RHBDD1: variants seen among roughly 807,000 people sequenced by gnomAD.
RHBDD1 encodes rhomboid domain containing 1, also known as rhomboid-related protein 4.
In RHBDD1, 38 loss-of-function variants were observed where a neutral mutation model predicts 36.3. The observed-to-expected ratio is 1.05, with a 90% CI of 0.81 to 1.37. The LOEUF is 1.37. RHBDD1 is among the 40% of genes most tolerant of loss of function. The pLI is 0.00. For synonymous variants in RHBDD1, 151 were observed against 136.5 expected (o/e 1.11, Z -0.74); for missense variants, 393 against 377.6 (o/e 1.04, Z -0.34).
chr2:226,969,633 T>G (rs6718057), intron 8 of RHBDD1, among the ~76,000 whole-genome samples: 65,501 of 151,896 alleles, frequency 0.43, 14,213 homozygotes, highest in South Asian at 0.52. Context: ...ACTTCTTTCC[T>G]TTTCAGAACT....
intron 5 of RHBDD1, among the ~76,000 whole-genome samples, chr2:226,880,388 A>T (rs1945618323): frequency 6.6e-6 from 1 of 152,218 alleles, no homozygotes; most frequent in Admixed American, 6.5e-5. Context: ...CATAAGAAAG[A>T]GTTAATTTGT....
intron 3 of RHBDD1, among the ~76,000 whole-genome samples, chr2:226,842,859 C>T (rs903725983): frequency 1.3e-5 from 2 of 152,170 alleles, no homozygotes; most frequent in Non-Finnish European, 2.9e-5. Context: ...CTATAAATTA[C>T]TTTGGGCAGT....
At chr2:226,815,475 T>A in the RHBDD1 span, among the ~76,000 whole-genome samples, 1 of 152,236 alleles carries the variant, frequency 6.6e-6, no homozygotes, top group Non-Finnish European at 1.5e-5. Context: ...TATTATATAT[T>A]TCATCCAAAC....
At chr2:226,801,210 G>T in the RHBDD1 span, among the ~76,000 whole-genome samples, 1 of 152,180 alleles carries the variant, frequency 6.6e-6, no homozygotes, top group Admixed American at 6.5e-5. Flanking sequence ...GGGACCCGGC[G>T]GGCCGCGGGG....
At chr2:226,862,749 A>G (rs1382268998) in intron 3 of RHBDD1, among the ~76,000 whole-genome samples, 2 of 152,214 alleles carry the variant, frequency 1.3e-5, no homozygotes, top group Non-Finnish European at 2.9e-5. Context: ...AAAGAGGTCT[A>G]TTTAGCTCAC....
At chr2:226,910,514 T>C (rs1047546483) in intron 7 of RHBDD1, among the ~76,000 whole-genome samples, 5 of 152,112 alleles carry the variant, frequency 3.3e-5, no homozygotes, top group Admixed American at 6.6e-5. Context: ...ACCGCATGAA[T>C]ATTTAAAAAG....
rs1944199311 is a variant in RHBDD1 at position 226,864,910 on chromosome 2, C to T, written c.217C>T (p.Leu73Phe). ...CTGGCAGCGTTTACTGCTCTCTCCC[C>T]TTCACCATGCTGATGATTGGCATTT... is the stretch of plus-strand genomic sequence containing the variant. ...KDWQRLLLSP[L>F]HHADDWHLYF... The change falls in exon 4 of 9, where the codon CTT (leucine) becomes TTT (phenylalanine). Residue 73 changes from leucine (L) to phenylalanine (F), a missense_variant. Physicochemically the swap from Leu to Phe is conservative, Grantham distance 22 (BLOSUM62 0). Transcript: ENST00000392062. 1 of 1,614,210 alleles carries T rather than the reference C, an allele frequency of 6.2e-7. No individual in the cohort carries two copies. The highest frequency in any genetic ancestry group is 8.5e-7 in the Non-Finnish European group (1 of 1,180,028).
chr2:226,831,965 T>C (rs1417203805), upstream of RHBDD1, among the ~76,000 whole-genome samples: 1 of 151,952 alleles, frequency 6.6e-6, no homozygotes, highest in East Asian at 1.9e-4. Flanking sequence ...TGGTTTTTTT[T>C]TTTTTCTAAA....
In RHBDD1 at chr2:226,922,202, C is replaced by CTTTT. The variant is rs1017204610; in HGVS notation, c.856+7871_856+7874dup. Among the ~76,000 whole-genome samples, 154 of 105,030 alleles carry CTTTT rather than the reference C, an allele frequency of 1.5e-3. 4 individuals carry two copies. Among genetic ancestry groups the CTTTT allele is most frequent in the African/African-American group, 3.4e-3 (88 of 26,192 alleles). 68.9% of individuals were successfully genotyped at this position (105,030 alleles called of 152,430 possible). A position where few individuals can be genotyped will look rare whatever the true frequency, so the allele number is the denominator to read the frequency against. Reference sequence around the variant, plus strand: ...TCCACTGGAATTAAGTATCTTTTTCCTTTTTTTTTTTTTTTTTTTTTTTGA... The same window carrying CTTTT: ...TCCACTGGAATTAAGTATCTTTTTCCTTTTTTTTTTTTTTTTTTTTTTTTTTTGA... On this transcript the variant is annotated intron_variant, in intron 8 of 8. Coordinates refer to ENST00000392062, the MANE Select transcript of RHBDD1 (RefSeq NM_001167608.3).
chr2:226,914,302 TGAA>T lies in RHBDD1; in HGVS notation c.814_816del (p.Glu272del), dbSNP rs764667731. On this transcript the variant is annotated inframe_deletion, in exon 8 of 9. Transcript: ENST00000392062. ...ATGACACGTACACAGCAGGACTGAG[TGAA>T]GAAGAACAGCTCGAGAGAGCATTAC... 8.7e-6 allele frequency: 14 copies of T among 1,613,666 alleles called. No homozygotes were observed. In the South Asian group the frequency reaches 9.9e-5, roughly 11 times the overall value.
At chr2:226,903,302 A>C (rs569765898) in intron 5 of RHBDD1, among the ~76,000 whole-genome samples, 1 of 152,348 alleles carries the variant, frequency 6.6e-6, no homozygotes, top group African/African-American at 2.4e-5. Flanking sequence ...TAAGCCATTT[A>C]TAAGTTTTAA....
chr2:226,901,321 G>A (rs1255454913), intron 5 of RHBDD1, among the ~76,000 whole-genome samples: 1 of 152,108 alleles, frequency 6.6e-6, no homozygotes, highest in Non-Finnish European at 1.5e-5. Flanking sequence ...CTTGGCTATT[G>A]TGAATAATGA....
rs1955569776 is a variant in RHBDD1, at chr2:226,980,854, A to AT, written c.857-14573dup. Reference sequence around the variant, plus strand: ...TCTTTTTCTGTTCATAAAATGTTTTATTTTACTAGAATTTATAAATAATTA... The same window carrying AT: ...TCTTTTTCTGTTCATAAAATGTTTTATTTTTACTAGAATTTATAAATAATTA... On this transcript the variant is annotated intron_variant, in intron 8 of 8. Coordinates refer to ENST00000392062, the MANE Select transcript of RHBDD1 (RefSeq NM_001167608.3). Among the ~76,000 whole-genome samples, 9 of 152,264 alleles carry AT rather than the reference A, an allele frequency of 5.9e-5. No individual in the cohort carries two copies. In the South Asian group the frequency reaches 1.9e-3, roughly 32 times the overall value.
At chr2:226,866,191 C>T (rs13396999) in intron 4 of RHBDD1, among the ~76,000 whole-genome samples, 1,645 of 152,262 alleles carry the variant, frequency 0.011, 29 homozygotes, top group African/African-American at 0.038. Context: ...CTGCCACAGC[C>T]TCCCGAGTAG....
intron 8 of RHBDD1, among the ~76,000 whole-genome samples, chr2:226,931,337 C>T (rs922474203): frequency 6.6e-6 from 1 of 152,008 alleles, no homozygotes; most frequent in Non-Finnish European, 1.5e-5. Flanking sequence ...TCTTTTGCAG[C>T]AACTTAGATG....
At chr2:226,936,707 A>T (rs1401284833) in intron 8 of RHBDD1, among the ~76,000 whole-genome samples, 8 of 152,118 alleles carry the variant, frequency 5.3e-5, no homozygotes, top group Non-Finnish European at 1.0e-4. Context: ...GTTGCTCAGT[A>T]CCGTCATTCA....
In RHBDD1 at chr2:226,864,608, A is replaced by G. The variant is rs1944162026; in HGVS notation, c.-86A>G. The G allele has an allele frequency of 1.9e-6, 2 of 1,059,632 alleles. No individual in the cohort carries two copies. Among genetic ancestry groups the G allele is most frequent in the African/African-American group, 1.6e-5 (1 of 62,854 alleles). The allele number at this position is 1,059,632 out of a possible 1,614,324, so 65.6% of individuals were successfully genotyped here. A position where few individuals can be genotyped will look rare whatever the true frequency, so the allele number is the denominator to read the frequency against. On this transcript the variant is annotated 5_prime_UTR_variant, in exon 4 of 9. Transcript: ENST00000392062. ...CACATGCATTTTGTGTTTTAGGTTC[A>G]GCCGTCTGTATATCTCCCCAGATAC...
intron 8 of RHBDD1, among the ~76,000 whole-genome samples, chr2:226,926,353 CAA>C (rs1298808323): frequency 2.0e-5 from 3 of 152,084 alleles, no homozygotes. Context: ...CTAATTTTCT[CAA>C]AGAGTATGTT....
At chr2:226,975,332 T>C (rs1265940940) in intron 8 of RHBDD1, among the ~76,000 whole-genome samples, 1 of 152,176 alleles carries the variant, frequency 6.6e-6, no homozygotes, top group East Asian at 1.9e-4. Flanking sequence ...ATCATCACGT[T>C]GTACACCTTA....
Sources: allele counts gnomAD v4.1 joint callset (sites outside exome capture counted in the v4.1 genomes callset), GRCh38; gene constraint gnomAD v4.1.1; transcripts MANE v1.5; gene names NCBI Gene and HGNC (gene_info 2026-07-23, HGNC 2026-07-21).